ADH1B: variants seen among roughly 807,000 people sequenced by gnomAD.
The protein encoded by ADH1B is all-trans-retinol dehydrogenase [NAD(+)] ADH1B.
Under a neutral mutation model 34.6 loss-of-function variants are expected in ADH1B, and 29 were observed. That is an observed-to-expected ratio of 0.84 (90% CI 0.62 to 1.14). The LOEUF is 1.14. Ranked by LOEUF, ADH1B falls within the 50% of genes most tolerant of loss-of-function variation. The pLI is 0.00. For missense variants in ADH1B, 424 were observed against 468.4 expected (o/e 0.91, Z 0.87); for synonymous variants, 170 against 175.5 (o/e 0.97, Z 0.25).
rs1249363123 is a variant in ADH1B, at chr4:99,305,559, GTGTATATATATATATATATA to G, written c.*2261_*2280del. 7.2e-4 allele frequency: 31 copies of G among 43,102 alleles called. No individual in the cohort carries two copies. Among genetic ancestry groups the G allele is most frequent in the Admixed American group, 2.0e-3 (8 of 4,084 alleles). The allele number at this position is 43,102 out of a possible 1,614,324, so 2.7% of individuals were successfully genotyped here. On this transcript the variant is annotated 3_prime_UTR_variant, in exon 9 of 9. Transcript: ENST00000305046. ...AACTATATGAACCACTTGCCCCATA[GTGTATATATATATATATATA>G]TATATATATATATATATATATATAT...
rs749350311 is a variant in ADH1B, at chr4:99,316,241, C to T, written c.321G>A (p.Pro107=). 33 of 1,614,038 alleles carry T rather than the reference C, an allele frequency of 2.0e-5. No individual in the cohort carries two copies. Among genetic ancestry groups the T allele is most frequent in the South Asian group, 1.2e-4 (11 of 91,084 alleles). ...CATTTTTCAAGCAGTAGTTGCTCTC[C>T]GGGTTTTTACAAACTCTGCATTTTC... ...QCGKCRVCKN[P]ESNYCLKNDL... The change falls in exon 4 of 9, where the codon CCG becomes CCA. Residue 107 remains proline (P), a synonymous_variant. Transcript: ENST00000305046.
intron 3 of ADH1B, 197 bp from the exon 4 acceptor site, chr4:99,316,499 T>C (rs1207906908): frequency 1.5e-6 from 1 of 662,614 alleles, no homozygotes; most frequent in East Asian, 2.8e-5. Context: ...GCCTGAGGAT[T>C]CCTACTGAGA....
chr4:99,321,190 A>G, intron 1 of ADH1B, 124 bp downstream of exon 1: 1 of 859,398 alleles, frequency 1.2e-6, no homozygotes, highest in Non-Finnish European at 1.8e-6. Flanking sequence ...TATATTGCAT[A>G]TCATATTTCA....
intron 8 of ADH1B, chr4:99,310,350 GATGTCCTGAAA>G (rs751145667): frequency 2.2e-5 from 10 of 458,398 alleles, no homozygotes; most frequent in Non-Finnish European, 3.1e-5. Flanking sequence ...AAATGTTGAG[GATGTCCTGAAA>G]ATTATTTAAA....
At position 99,311,593 on chromosome 4, in the gene ADH1B, C is replaced by T; in HGVS notation, c.892G>A (p.Ala298Thr). ...GGGTTTATTGAGAGGTTCTGGGAAG[C>T]AGGAGGTACCCCTACGATGACGCTT... ...GTSVIVGVPP[A>T]SQNLSINPML... Residue 298 changes from alanine (A) to threonine (T), a missense_variant, in exon 7 of 9, where the codon GCT (alanine) becomes ACT (threonine). This residue lies in a region of ADH1B where 130 missense variants were observed against 151.8 expected (regional missense o/e 0.86). Transcript: ENST00000305046. 2.5e-6 allele frequency: 4 copies of T among 1,614,062 alleles called. No homozygotes were observed. The highest frequency in any genetic ancestry group is 2.2e-5 in the East Asian group (1 of 44,872).
Position 99,318,895 on chromosome 4 carries a change from TCAAA to T in ADH1B, c.19-13_19-10del. 1 of 1,611,002 alleles carries T rather than the reference TCAAA, an allele frequency of 6.2e-7. No homozygotes were observed. Among genetic ancestry groups the T allele is most frequent in the African/African-American group, 1.3e-5 (1 of 74,942 alleles). On this transcript the variant is annotated splice_polypyrimidine_tract_variant and intron_variant, in intron 1 of 8. Coordinates refer to ENST00000305046, the MANE Select transcript of ADH1B (RefSeq NM_000668.6). ...GCTTTGCATTTGATTACCTAGAAAA[TCAAA>T]CAGAGAGATGGTGACAGTGTTTTCC...
intron 5 of ADH1B, 35 bp from the exon 6 acceptor site, chr4:99,314,116 G>A (rs762059310): frequency 6.2e-7 from 1 of 1,608,234 alleles, no homozygotes; most frequent in Non-Finnish European, 8.5e-7. Flanking sequence ...TAGATTAAGT[G>A]ATGATTGTTA....
Position 99,314,005 on chromosome 4 carries a change from G to A in ADH1B, c.644C>T (p.Ala215Val). 1.2e-6 allele frequency: 2 copies of A among 1,614,192 alleles called. No individual in the cohort carries two copies. Among genetic ancestry groups the A allele is most frequent in the Non-Finnish European group, 1.7e-6 (2 of 1,180,038 alleles). ...GLSAVMGCKA[A>V]GAARIIAVDI... ...CACCGCAATGATTCTGGCTGCTCCA[G>A]CTGCTTTACAGCCCATAACAGCAGA... Residue 215 changes from alanine (A) to valine (V), a missense_variant, in exon 6 of 9, where the codon GCT becomes GTT. By Grantham distance (64) the Ala-to-Val change is moderately conservative. This residue lies in a region of ADH1B where 291 missense variants were observed against 300.4 expected (regional missense o/e 0.97). Coordinates refer to ENST00000305046, the MANE Select transcript of ADH1B (RefSeq NM_000668.6).
chr4:99,307,528 C>T lies in ADH1B; in HGVS notation c.*312G>A, dbSNP rs1733640143. 2.5e-6 allele frequency: 1 copy of T among 396,038 alleles called. No individual in the cohort carries two copies. Among genetic ancestry groups the T allele is most frequent in the Non-Finnish European group, 4.6e-6 (1 of 216,954 alleles). 24.5% of individuals were successfully genotyped at this position (396,038 alleles called of 1,614,324 possible). The stretch of plus-strand genomic sequence containing the variant: ...CGATGACTAAAGATTATGAAGATAC[C>T]AAAAATGCAAGAAGTCACAGGAATA... On this transcript the variant is annotated 3_prime_UTR_variant, in exon 9 of 9. Transcript: ENST00000305046.
intron 3 of ADH1B, 133 bp from the exon 4 acceptor site, chr4:99,316,435 T>A: frequency 1.1e-6 from 1 of 931,308 alleles, no homozygotes. Context: ...CAATAATAAC[T>A]ATGTCATCTT....
rs1733565175 is a variant in ADH1B at position 99,305,021 on chromosome 4, G to A, written c.*2819C>T. ...TTTTTTGATCACACCAAGGCTCAGT[G>A]CCATTTAATATGCTATTTTGCCATT... is the stretch of plus-strand genomic sequence containing the variant. On this transcript the variant is annotated 3_prime_UTR_variant, in exon 9 of 9. Coordinates refer to ENST00000305046, the MANE Select transcript of ADH1B (RefSeq NM_000668.6). 6.6e-6 allele frequency: 1 copy of A among 151,558 alleles called. No homozygotes were observed. Among genetic ancestry groups the A allele is most frequent in the South Asian group, 2.1e-4 (1 of 4,790 alleles). 9.4% of individuals were successfully genotyped at this position (151,558 alleles called of 1,614,324 possible).
chr4:99,308,938 G>A, intron 8 of ADH1B, among the ~76,000 whole-genome samples: 1 of 151,696 alleles, frequency 6.6e-6, no homozygotes, highest in Non-Finnish European at 1.5e-5. Context: ...TGCACATTGT[G>A]CACATGTACC....
intron 2 of ADH1B, 186 bp from the exon 3 acceptor site, chr4:99,318,370 C>T (rs1396577991): frequency 7.2e-6 from 5 of 694,362 alleles, no homozygotes; most frequent in Admixed American, 3.5e-5. Flanking sequence ...CCTTCTCTAC[C>T]TTCCCTTCTT....
At chr4:99,318,936 T>A (rs763221207) in intron 1 of ADH1B, 50 bp from the exon 2 acceptor site, 4 of 1,571,316 alleles carry the variant, frequency 2.5e-6, no homozygotes, top group Non-Finnish European at 3.5e-6. Context: ...ACTCTTGAAG[T>A]CATAAGTTGT....
chr4:99,314,037 G>C lies in ADH1B; in HGVS notation c.612C>G (p.Val204=), dbSNP rs28626993. 6.2e-7 allele frequency: 1 copy of C among 1,614,044 alleles called. No homozygotes were observed. The highest frequency in any genetic ancestry group is 1.7e-5 in the Admixed American group (1 of 60,002). ...STCAVFGLGG[V]GLSAVMGCKA... ...TACAGCCCATAACAGCAGATAGGCC[G>C]ACCCCTCCCAGGCCAAACACAGCAC... is the stretch of plus-strand genomic sequence containing the variant. The change falls in exon 6 of 9, where the codon GTC becomes GTG. Residue 204 remains valine, a synonymous_variant. Coordinates refer to ENST00000305046, the MANE Select transcript of ADH1B (RefSeq NM_000668.6).
chr4:99,308,826 A>C (rs1387735327), intron 8 of ADH1B, among the ~76,000 whole-genome samples: 1 of 152,122 alleles, frequency 6.6e-6, no homozygotes, highest in Non-Finnish European at 1.5e-5. Flanking sequence ...TTGAATTTCT[A>C]TGAACTTTTT....
intron 5 of ADH1B, chr4:99,314,314 A>T: frequency 1.5e-6 from 1 of 666,482 alleles, no homozygotes. Context: ...GCTTTACAAA[A>T]TATCCCACAG....
Position 99,315,916 on chromosome 4 carries a change from A to G in ADH1B, c.549T>C (p.Ser183=). The change falls in exon 5 of 9, where the codon TCT becomes TCC. Residue 183 remains serine, a synonymous_variant. Transcript: ENST00000305046. The part of the protein sequence containing the change: ...IGCGFSTGYG[S]AVNVAKVTPG... ...TTCTCACCTTGGCAACGTTAACTGC[A>G]GACCCATAACCAGTCGAGAATCCAC... 6.2e-7 allele frequency: 1 copy of G among 1,614,256 alleles called. No individual in the cohort carries two copies. The highest frequency in any genetic ancestry group is 8.5e-7 in the Non-Finnish European group (1 of 1,180,042).
At chr4:99,313,743 T>C in intron 6 of ADH1B, 78 bp downstream of exon 6, 1 of 1,610,500 alleles carries the variant, frequency 6.2e-7, no homozygotes, top group East Asian at 2.2e-5. Flanking sequence ...CCTTTATACA[T>C]AAAACATATA....
Sources: allele counts gnomAD v4.1 joint callset (sites outside exome capture counted in the v4.1 genomes callset), GRCh38; gene constraint gnomAD v4.1.1; regional missense constraint gnomAD v4.1.1; transcripts MANE v1.5; gene names NCBI Gene and HGNC (gene_info 2026-07-23, HGNC 2026-07-21).